MAPRE2: variants seen among roughly 807,000 people sequenced by gnomAD.
MAPRE2 encodes microtubule associated protein RP/EB family member 2, also known as microtubule-associated protein RP/EB family member 2.
A neutral mutation model predicts 43.2 loss-of-function variants in MAPRE2; 13 were observed. The observed-to-expected ratio is 0.30, with a 90% CI of 0.20 to 0.48. The LOEUF (loss-of-function observed/expected upper bound fraction) is 0.48. MAPRE2 is among the 20% of genes least tolerant of loss of function. The pLI, the probability that MAPRE2 is intolerant of heterozygous loss-of-function variation, is 0.99. For synonymous variants in MAPRE2, 135 were observed against 148.8 expected, an observed-to-expected ratio of 0.91 and a Z score of 0.68; for missense variants, 161 against 400.2, an observed-to-expected ratio of 0.40 and a Z score of 5.10.
At chr18:35,136,270 G>A (rs1475356624) in intron 6 of MAPRE2, among the ~76,000 whole-genome samples, 1 of 152,188 alleles carries the variant, frequency 6.6e-6, no homozygotes, top group Non-Finnish European at 1.5e-5. Context: ...TCTGTCAGCT[G>A]AAGGGCACCA....
chr18:35,060,445 A>G (rs926880111), intron 1 of MAPRE2, among the ~76,000 whole-genome samples: 1 of 152,226 alleles, frequency 6.6e-6, no homozygotes, highest in African/African-American at 2.4e-5. Context: ...AGGCAAATAT[A>G]ATCAGCTGCA....
chr18:35,095,361 A>AAT (rs200528666), intron 2 of MAPRE2, among the ~76,000 whole-genome samples: 9,110 of 95,428 alleles, frequency 0.095, 373 homozygotes, highest in East Asian at 0.22. Context: ...TTTTTAAGAA[A>AAT]ATACACACAC....
At chr18:35,116,537 T>C (rs2144214244) in intron 4 of MAPRE2, among the ~76,000 whole-genome samples, 1 of 152,292 alleles carries the variant, frequency 6.6e-6, no homozygotes, top group South Asian at 2.1e-4. Flanking sequence ...GAAAGATTTG[T>C]TTCCAAGCCC....
intron 6 of MAPRE2, among the ~76,000 whole-genome samples, chr18:35,139,537 A>G (rs553260718): frequency 1.3e-5 from 2 of 152,328 alleles, no homozygotes; most frequent in African/African-American, 2.4e-5. Flanking sequence ...GGGAAGAACA[A>G]TTCACCTATC....
chr18:35,107,868 T>A (rs1332681306), intron 4 of MAPRE2, among the ~76,000 whole-genome samples: 1 of 152,130 alleles, frequency 6.6e-6, no homozygotes, highest in Non-Finnish European at 1.5e-5. Context: ...TTTTCCTGCA[T>A]TGATCATGGA....
At chr18:35,044,853 A>G (rs1255159882) in intron 1 of MAPRE2, among the ~76,000 whole-genome samples, 2 of 152,202 alleles carry the variant, frequency 1.3e-5, no homozygotes, top group Non-Finnish European at 2.9e-5. Flanking sequence ...CATATTGTTC[A>G]TAAGTATGTC....
chr18:35,061,242 A>G (rs1422479239), intron 1 of MAPRE2, among the ~76,000 whole-genome samples: 1 of 152,226 alleles, frequency 6.6e-6, no homozygotes, highest in African/African-American at 2.4e-5. Flanking sequence ...AACCTGATAA[A>G]ACTCACATTT....
chr18:35,064,596 C>T (rs1906740926), intron 1 of MAPRE2, among the ~76,000 whole-genome samples: 1 of 152,170 alleles, frequency 6.6e-6, no homozygotes. Flanking sequence ...TGTTCTTGAA[C>T]AAAATTGTTG....
At chr18:35,005,363 C>A in intron 1 of MAPRE2, 1 of 525,564 alleles carries the variant, frequency 1.9e-6, no homozygotes, top group South Asian at 3.3e-5. Context: ...GGATATTTGG[C>A]GTGTATTTTT....
intron 1 of MAPRE2, among the ~76,000 whole-genome samples, chr18:35,053,644 AT>A (rs1906065707): frequency 6.6e-6 from 1 of 152,124 alleles, no homozygotes; most frequent in Non-Finnish European, 1.5e-5. Context: ...AGATTCCACT[AT>A]TAAATTTAAG....
chr18:35,058,303 T>C (rs1186745861), intron 1 of MAPRE2, among the ~76,000 whole-genome samples: 2 of 152,192 alleles, frequency 1.3e-5, no homozygotes, highest in African/African-American at 4.8e-5. Context: ...TCCATTTTCA[T>C]TTCAAAATGT....
chr18:35,069,095 A>G (rs1906980891), intron 1 of MAPRE2, among the ~76,000 whole-genome samples: 1 of 152,226 alleles, frequency 6.6e-6, no homozygotes, highest in Non-Finnish European at 1.5e-5. Flanking sequence ...GGACAGCGGA[A>G]CATGTTAAAC....
At chr18:35,058,640 A>G (rs950023296) in intron 1 of MAPRE2, among the ~76,000 whole-genome samples, 1 of 152,236 alleles carries the variant, frequency 6.6e-6, no homozygotes, top group Non-Finnish European at 1.5e-5. Context: ...TACAGCTGGC[A>G]GATTTGCCAG....
At chr18:35,132,784 G>T (rs1910217412) in intron 6 of MAPRE2, among the ~76,000 whole-genome samples, 1 of 152,244 alleles carries the variant, frequency 6.6e-6, no homozygotes, top group South Asian at 2.1e-4. Flanking sequence ...ATGTGGCTGT[G>T]TCAGGGTGAT....
At chr18:35,072,509 C>A (rs1453104651) in intron 2 of MAPRE2, among the ~76,000 whole-genome samples, 4 of 152,036 alleles carry the variant, frequency 2.6e-5, no homozygotes, top group Admixed American at 2.6e-4. Flanking sequence ...TTAAAGGAAA[C>A]CATGAGGAAC....
intron 1 of MAPRE2, among the ~76,000 whole-genome samples, chr18:35,051,162 C>A (rs968864936): frequency 6.6e-6 from 1 of 152,076 alleles, no homozygotes; most frequent in Non-Finnish European, 1.5e-5. Context: ...TCTCTGCCTC[C>A]CTACCCCCAC....
chr18:35,080,487 C>A (rs187882745), intron 2 of MAPRE2, among the ~76,000 whole-genome samples: 96 of 152,332 alleles, frequency 6.3e-4, no homozygotes, highest in Non-Finnish European at 1.1e-3. Context: ...TCCAGCCTGT[C>A]TTGCCATCAT....
chr18:35,102,567 T>C (rs1306510228), intron 4 of MAPRE2, among the ~76,000 whole-genome samples: 3 of 152,144 alleles, frequency 2.0e-5, no homozygotes, highest in Non-Finnish European at 1.5e-5. Flanking sequence ...TGGATCATCG[T>C]CTCTAACCCT....
chr18:35,121,911 T>G (rs913071374), intron 4 of MAPRE2, among the ~76,000 whole-genome samples: 12 of 152,230 alleles, frequency 7.9e-5, no homozygotes, highest in Non-Finnish European at 1.3e-4. Context: ...TCTATCAATG[T>G]TAAGTTTATG....
Sources: gnomAD v4.1 joint callset for allele counts (sites outside exome capture counted in the v4.1 genomes callset) on GRCh38, gnomAD v4.1.1 for gene constraint, MANE v1.5 for transcripts, NCBI Gene and HGNC (gene_info 2026-07-23, HGNC 2026-07-21) for gene names.